The following TMEFF1 variants were observed in gnomAD, a reference collection of about 807,000 sequenced individuals.
TMEFF1 encodes the protein transmembrane protein with EGF like and two follistatin like domains 1.
A neutral mutation model predicts 47.5 loss-of-function variants in TMEFF1; 20 were observed. The ratio of observed to expected loss-of-function variants is 0.42; its 90% CI spans 0.30 to 0.61. The LOEUF is 0.61. Among genes scored for constraint, TMEFF1 ranks in the 20% least tolerant of loss-of-function variants. The probability of loss-of-function intolerance (pLI) is 0.19; values close to 1 mark genes in which losing one functional copy is unlikely to be tolerated. For missense variants in TMEFF1, 411 were observed against 471.1 expected, an observed-to-expected ratio of 0.87 and a Z score of 1.18; for synonymous variants, 162 against 166.3, an observed-to-expected ratio of 0.97 and a Z score of 0.20.
At position 100,501,049 on chromosome 9, in the gene TMEFF1, G is replaced by A. The variant is rs575679639; in HGVS notation, c.306+2175G>A. Among the ~76,000 whole-genome samples, 8 of 152,252 alleles carry A rather than the reference G, an allele frequency of 5.3e-5. No individual in the cohort carries two copies. The South Asian group carries it at 1.0e-3, about 20-fold the overall frequency. ...ACTCCCCTCGAACTCTCTCCTTTCC[G>A]AGATTTCCCTCTCACTTTTTAGTGG... On this transcript the variant is annotated intron_variant, in intron 2 of 9. Coordinates refer to ENST00000374879, the MANE Select transcript of TMEFF1 (RefSeq NM_003692.5).
chr9:100,475,006 A>G (rs1288901888), intron 1 of TMEFF1, among the ~76,000 whole-genome samples: 1 of 152,212 alleles, frequency 6.6e-6, no homozygotes, highest in Non-Finnish European at 1.5e-5. Context: ...GCTAGTGATC[A>G]TAAGCCACAT....
At chr9:100,543,855 G>A (rs550638808) in intron 5 of TMEFF1, among the ~76,000 whole-genome samples, 1 of 152,096 alleles carries the variant, frequency 6.6e-6, no homozygotes, top group East Asian at 1.9e-4. Context: ...TCTAGTCCTT[G>A]ACCCCTTAAA....
chr9:100,516,695 G>C lies in TMEFF1; in HGVS notation c.484G>C (p.Glu162Gln). ...AACAGAAGAGGAAGGGTCAGGGGCA[G>C]AAGTTCACAGAAAACACTCCAAGTG... is the stretch of plus-strand genomic sequence containing the variant. ...GEGEEEGSGAEVHRKHSKCGP... is the reference protein window; with the variant it reads ...GEGEEEGSGAQVHRKHSKCGP... The change falls in exon 5 of 10, where the codon GAA becomes CAA. Residue 162 changes from glutamate to glutamine, a missense_variant. By Grantham distance (29) the Glu-to-Gln change is conservative. Coordinates refer to ENST00000374879, the MANE Select transcript of TMEFF1 (RefSeq NM_003692.5). 6.2e-7 allele frequency: 1 copy of C among 1,613,560 alleles called. No individual in the cohort carries two copies.
intron 1 of TMEFF1, among the ~76,000 whole-genome samples, chr9:100,474,308 C>T (rs1375060131): frequency 6.6e-6 from 1 of 151,036 alleles, no homozygotes; most frequent in African/African-American, 2.4e-5. Context: ...CGCGGTTTGG[C>T]GATGCAGAGT....
intron 5 of TMEFF1, among the ~76,000 whole-genome samples, chr9:100,543,586 AT>A (rs1222159389): frequency 1.3e-5 from 2 of 151,888 alleles, no homozygotes; most frequent in Non-Finnish European, 2.9e-5. Context: ...TGCTTCTGTC[AT>A]TTGCCTACAG....
At chr9:100,514,690 C>CAA (rs10549105) in intron 4 of TMEFF1, among the ~76,000 whole-genome samples, 13 of 101,630 alleles carry the variant, frequency 1.3e-4, no homozygotes, top group Admixed American at 3.2e-4. Flanking sequence ...GTCTCTACCC[C>CAA]AAAAAAAAAA....
intron 3 of TMEFF1, among the ~76,000 whole-genome samples, chr9:100,512,384 C>T (rs553755589): frequency 2.0e-5 from 3 of 152,006 alleles, no homozygotes; most frequent in Admixed American, 6.6e-5. Context: ...GATTATTGTC[C>T]GAAGGAGCTT....
chr9:100,499,475 G>C (rs1288435401), intron 2 of TMEFF1, among the ~76,000 whole-genome samples: 1 of 152,156 alleles, frequency 6.6e-6, no homozygotes, highest in Non-Finnish European at 1.5e-5. Flanking sequence ...ATGGTAATCA[G>C]ACTTCAGAAT....
chr9:100,509,874 A>G (rs1013464875), intron 3 of TMEFF1, among the ~76,000 whole-genome samples: 20 of 151,650 alleles, frequency 1.3e-4, no homozygotes, highest in African/African-American at 3.6e-4. Flanking sequence ...TGTTCATCCC[A>G]TGCTGTTTGT....
intron 5 of TMEFF1, among the ~76,000 whole-genome samples, chr9:100,536,154 G>A (rs974718435): frequency 3.3e-5 from 5 of 152,178 alleles, no homozygotes; most frequent in Admixed American, 6.5e-5. Context: ...TGCTAGAAGC[G>A]TGTCATTTAT....
At chr9:100,561,341 C>A in intron 7 of TMEFF1, 56 bp from the exon 8 acceptor site, 4 of 1,580,414 alleles carry the variant, frequency 2.5e-6, no homozygotes, top group Non-Finnish European at 3.4e-6. Context: ...TTTGAAAAGT[C>A]CTTATTTTTC....
At chr9:100,513,367 T>TTTTC (rs560494398) in intron 4 of TMEFF1, 34 bp downstream of exon 4, 3,011 of 1,545,152 alleles carry the variant, frequency 1.9e-3, no homozygotes, top group East Asian at 3.0e-3. Context: ...GGATATTTGC[T>TTTTC]TTTCTTTCTT....
At chr9:100,482,937 A>T (rs1279704266) in intron 1 of TMEFF1, among the ~76,000 whole-genome samples, 1 of 152,092 alleles carries the variant, frequency 6.6e-6, no homozygotes, top group Non-Finnish European at 1.5e-5. Flanking sequence ...ATCTCTGATT[A>T]TACCATTGTC....
intron 1 of TMEFF1, among the ~76,000 whole-genome samples, chr9:100,483,586 A>G (rs1008204982): frequency 1.3e-5 from 2 of 152,244 alleles, no homozygotes; most frequent in African/African-American, 4.8e-5. Context: ...TCTTCTATCC[A>G]GAAGAGTTAT....
chr9:100,497,521 G>C (rs747016249), intron 1 of TMEFF1, among the ~76,000 whole-genome samples: 1 of 152,042 alleles, frequency 6.6e-6, no homozygotes, highest in Non-Finnish European at 1.5e-5. Flanking sequence ...ACTGTTGACT[G>C]TCAACTCCTT....
At chr9:100,476,806 C>G (rs1292479809) in intron 1 of TMEFF1, among the ~76,000 whole-genome samples, 1 of 151,478 alleles carries the variant, frequency 6.6e-6, no homozygotes, top group Non-Finnish European at 1.5e-5. Context: ...GCGCCATTCT[C>G]CTGCCTCAGC....
chr9:100,545,914 C>G (rs1838723326), intron 5 of TMEFF1, among the ~76,000 whole-genome samples: 1 of 152,210 alleles, frequency 6.6e-6, no homozygotes, highest in South Asian at 2.1e-4. Flanking sequence ...CAGTTCCCAA[C>G]AGGTTCCTCA....
intron 4 of TMEFF1, among the ~76,000 whole-genome samples, chr9:100,515,243 G>A (rs572889413): frequency 1.3e-5 from 2 of 152,094 alleles, no homozygotes; most frequent in Non-Finnish European, 2.9e-5. Flanking sequence ...AGGGCTAAGT[G>A]GTTTGCCCCA....
intron 1 of TMEFF1, among the ~76,000 whole-genome samples, chr9:100,483,588 AAG>A (rs1320414765): frequency 1.3e-5 from 2 of 152,314 alleles, no homozygotes; most frequent in Middle Eastern, 3.4e-3. Flanking sequence ...TTCTATCCAG[AAG>A]AGTTATTTCC....
Sources: allele counts gnomAD v4.1 joint callset (sites outside exome capture counted in the v4.1 genomes callset), GRCh38; gene constraint gnomAD v4.1.1; transcripts MANE v1.5; gene names NCBI Gene and HGNC (gene_info 2026-07-23, HGNC 2026-07-21).